ZNF69: variants seen among roughly 807,000 people sequenced by gnomAD.
The protein encoded by ZNF69 is zinc finger protein 69, also known as ZNF3.
A neutral mutation model predicts 50.9 loss-of-function variants in ZNF69; 47 were observed. The ratio of observed to expected loss-of-function variants is 0.92; its 90% confidence interval spans 0.73 to 1.18. The LOEUF (loss-of-function observed/expected upper bound fraction) is 1.18, where lower values mean the gene tolerates loss of function less well. Ranked by LOEUF, ZNF69 falls within the 50% of genes most tolerant of loss-of-function variation. ZNF69 has a pLI of 0.00. For synonymous variants in ZNF69, 216 were observed against 223.1 expected (o/e 0.97, Z 0.29); for missense variants, 717 against 675.1 (o/e 1.06, Z -0.69).
At chr19:11,947,708 A>G in the ZNF69 span, 1 of 944,534 alleles carries the variant, frequency 1.1e-6, no homozygotes, top group Non-Finnish European at 1.6e-6. Flanking sequence ...TTCTCAAAAA[A>G]CATATATTTA....
chr19:11,890,491 G>A (rs1441714757), intron 1 of ZNF69, among the ~76,000 whole-genome samples: 1 of 152,214 alleles, frequency 6.6e-6, no homozygotes, highest in Non-Finnish European at 1.5e-5. Context: ...TAAAGTTACA[G>A]ATTAACAGCA....
chr19:11,974,098 TTTC>T, the ZNF69 span, among the ~76,000 whole-genome samples: 195 of 95,014 alleles, frequency 2.1e-3, no homozygotes, highest in Middle Eastern at 4.9e-3. Flanking sequence ...TCTTTCTTTC[TTTC>T]TTTCTTTCTT....
chr19:11,951,150 CAAAAAAAAAAA>C, the ZNF69 span, among the ~76,000 whole-genome samples: 246 of 65,078 alleles, frequency 3.8e-3, 5 homozygotes, highest in African/African-American at 0.011. Flanking sequence ...ACTCCATCTC[CAAAAAAAAAAA>C]AAAAAAAGAA....
the ZNF69 span, among the ~76,000 whole-genome samples, chr19:11,922,723 A>G: frequency 3.3e-5 from 5 of 152,324 alleles, no homozygotes; most frequent in Admixed American, 3.3e-4. Context: ...AGAATGATCC[A>G]GTCCATAAGG....
At chr19:11,965,024 A>C in the ZNF69 span, 2 of 635,674 alleles carry the variant, frequency 3.1e-6, no homozygotes, top group Admixed American at 2.6e-5. Flanking sequence ...ATCCAGGCAC[A>C]GAGTGGGTCG....
downstream of ZNF69, among the ~76,000 whole-genome samples, chr19:11,910,562 A>C (rs139514588): frequency 9.3e-3 from 1,422 of 152,268 alleles, 19 homozygotes; most frequent in African/African-American, 0.032. Context: ...TAAAAACAAG[A>C]AATGGGGAAA....
chr19:11,949,615 A>G, the ZNF69 span: 1 of 1,613,558 alleles, frequency 6.2e-7, no homozygotes, highest in Non-Finnish European at 8.5e-7. Context: ...AAAAACTCAC[A>G]CTGGAGAGAA....
At chr19:11,977,122 A>G in the ZNF69 span, 1 of 1,614,180 alleles carries the variant, frequency 6.2e-7, no homozygotes, top group South Asian at 1.1e-5. Context: ...GAAACTCTAC[A>G]GGGAAGTGAT....
At chr19:11,974,974 TGTA>T in the ZNF69 span, among the ~76,000 whole-genome samples, 3 of 152,206 alleles carry the variant, frequency 2.0e-5, no homozygotes, top group African/African-American at 7.2e-5. Flanking sequence ...GAATTTTACA[TGTA>T]CAGTTGAGAT....
At chr19:11,922,529 G>A in the ZNF69 span, among the ~76,000 whole-genome samples, 18,564 of 152,216 alleles carry the variant, frequency 0.12, 1,539 homozygotes, top group Non-Finnish European at 0.19. Context: ...GGAAGTTCAG[G>A]GAACAAGCTG....
At chr19:11,971,786 G>A in the ZNF69 span, among the ~76,000 whole-genome samples, 25 of 152,086 alleles carry the variant, frequency 1.6e-4, no homozygotes, top group South Asian at 4.1e-4. Flanking sequence ...ATTTGTGGCC[G>A]GGCGCGGTGG....
downstream of ZNF69, among the ~76,000 whole-genome samples, chr19:11,907,342 C>T (rs1343241570): frequency 3.3e-5 from 5 of 152,074 alleles, no homozygotes; most frequent in East Asian, 5.8e-4. Context: ...AGATACTCCT[C>T]GAGAGGAGCA....
intron 1 of ZNF69, among the ~76,000 whole-genome samples, chr19:11,903,252 C>T (rs1599355755): frequency 2.0e-5 from 3 of 151,872 alleles, no homozygotes; most frequent in African/African-American, 4.8e-5. Context: ...GGAGAAACCC[C>T]GTCTCCACTA....
At chr19:11,922,003 A>G in the ZNF69 span, among the ~76,000 whole-genome samples, 2 of 152,132 alleles carry the variant, frequency 1.3e-5, no homozygotes, top group Non-Finnish European at 2.9e-5. Context: ...AAAGAAAAGC[A>G]CAAGTTTTCC....
At chr19:11,910,840 G>A (rs899583549), downstream of ZNF69, among the ~76,000 whole-genome samples, 8 of 152,142 alleles carry the variant, frequency 5.3e-5, no homozygotes, top group African/African-American at 9.6e-5. Flanking sequence ...ATTAAACTAA[G>A]GAGCTTCTGC....
chr19:11,909,674 TA>T (rs1342020974), downstream of ZNF69, among the ~76,000 whole-genome samples: 21 of 152,168 alleles, frequency 1.4e-4, no homozygotes, highest in Non-Finnish European at 1.3e-4. Flanking sequence ...TATCTCAAAA[TA>T]ATAAGAGCTA....
At chr19:11,926,786 A>G in the ZNF69 span, 1 of 154,110 alleles carries the variant, frequency 6.5e-6, no homozygotes, top group African/African-American at 2.4e-5. Context: ...GGTTGCAGAG[A>G]TGCAGTTGCC....
chr19:11,905,777 A>G lies in ZNF69; in HGVS notation c.1380A>G (p.Gln460=). 1.9e-6 allele frequency: 3 copies of G among 1,613,616 alleles called. No individual in the cohort carries two copies. The highest frequency in any genetic ancestry group is 1.7e-6 in the Non-Finnish European group (2 of 1,179,962). The change falls in exon 4 of 4, where the codon CAA becomes CAG. Residue 460 remains glutamine (Q), a synonymous_variant. Transcript: ENST00000429654. ...CCTTCAGATCTATGAAGAACCTTCA[A>G]AGTCATGAAAGGACACAAACACACG... The part of the protein sequence containing the change: ...GKAFRSMKNL[Q]SHERTQTHVR...
chr19:11,903,419 A>T (rs1347928617), intron 1 of ZNF69, among the ~76,000 whole-genome samples, 154 bp from the exon 2 acceptor site: 1 of 152,196 alleles, frequency 6.6e-6, no homozygotes, highest in African/African-American at 2.4e-5. Flanking sequence ...AAAAAAAAGA[A>T]TTGCTTTATG....
Sources: allele counts gnomAD v4.1 joint callset (sites outside exome capture counted in the v4.1 genomes callset), GRCh38; gene constraint gnomAD v4.1.1; transcripts MANE v1.5; gene names NCBI Gene and HGNC (gene_info 2026-07-23, HGNC 2026-07-21).